The following FCRLA variants were observed in gnomAD, a reference collection of about 807,000 sequenced individuals.
FCRLA encodes Fc receptor like A.
In FCRLA, 26 loss-of-function variants were observed where a neutral mutation model predicts 28.4. That is an observed-to-expected ratio of 0.91 (90% CI 0.67 to 1.27). The LOEUF (loss-of-function observed/expected upper bound fraction) is 1.27, where lower values mean the gene tolerates loss of function less well. FCRLA is among the 50% of genes most tolerant of loss of function. The probability of loss-of-function intolerance (pLI) is 0.00; values close to 1 mark genes in which losing one functional copy is unlikely to be tolerated. For synonymous variants in FCRLA, 174 were observed against 168.5 expected (o/e 1.03, Z -0.25); for missense variants, 422 against 433.1 (o/e 0.97, Z 0.23).
intron 3 of FCRLA, 118 bp downstream of exon 3, chr1:161,711,592 C>A (rs1683106456): frequency 7.5e-7 from 1 of 1,335,760 alleles, no homozygotes; most frequent in Non-Finnish European, 1.0e-6. Flanking sequence ...GAGCAGGTTG[C>A]TGGCAAATGC....
chr1:161,711,508 G>A, intron 3 of FCRLA, 34 bp downstream of exon 3: 1 of 1,584,026 alleles, frequency 6.3e-7, no homozygotes, highest in Non-Finnish European at 8.6e-7. Flanking sequence ...CATGGCAGGG[G>A]AGGGTAAGGA....
chr1:161,710,783 T>C lies in FCRLA; in HGVS notation c.103T>C (p.Cys35Arg). The C allele has an allele frequency of 6.2e-7, 1 of 1,614,170 alleles. No individual in the cohort carries two copies. The highest frequency in any genetic ancestry group is 1.7e-4 in the Middle Eastern group (1 of 6,038). ...LLAASFETLQ[C>R]EGPVCTEESS... ...AGCTGCCAGTTTTGAGACGCTGCAG[T>C]GTGAGGGACCTGTCTGCACTGAGGA... Residue 35 changes from cysteine to arginine, a missense_variant, in exon 2 of 5, where the codon TGT (cysteine) becomes CGT (arginine). Around this residue, in one of 3 missense-constraint regions of FCRLA, gnomAD observed 231 missense variants for 214.6 expected, o/e 1.08. Coordinates refer to ENST00000236938, the MANE Select transcript of FCRLA (RefSeq NM_032738.4).
Position 161,713,447 on chromosome 1 carries a change from C to A in FCRLA, c.*67C>A. ...AAATCTGATTCTTTATTTTCTCTTCCTGTCCTGCACATATGCATAAGTACT... is the reference window on the plus strand; with the variant it reads ...AAATCTGATTCTTTATTTTCTCTTCATGTCCTGCACATATGCATAAGTACT... On this transcript the variant is annotated 3_prime_UTR_variant, in exon 5 of 5. Coordinates refer to ENST00000236938, the MANE Select transcript of FCRLA (RefSeq NM_032738.4). 7.5e-7 allele frequency: 1 copy of A among 1,326,986 alleles called. No homozygotes were observed. The highest frequency in any genetic ancestry group is 1.0e-6 in the Non-Finnish European group (1 of 956,000). The allele number at this position is 1,326,986 out of a possible 1,614,324, so 82.2% of individuals were successfully genotyped here.
chr1:161,709,809 T>C (rs939740542), intron 1 of FCRLA, among the ~76,000 whole-genome samples: 2 of 152,082 alleles, frequency 1.3e-5, no homozygotes, highest in African/African-American at 4.8e-5. Flanking sequence ...AGGTCTACCA[T>C]GAAGGTAAGA....
chr1:161,713,207 G>T lies in FCRLA; in HGVS notation c.907G>T (p.Asp303Tyr). 1 of 1,614,198 alleles carries T rather than the reference G, an allele frequency of 6.2e-7. No homozygotes were observed. Among genetic ancestry groups the T allele is most frequent in the Non-Finnish European group, 8.5e-7 (1 of 1,180,036 alleles). ...LPPPPTPSSE[D>Y]PGFSSPLGMP... ...TCCGCCGCCAACCCCATCTTCTGAGGATCCAGGCTTTTCTTCTCCTCTGGG... is the reference window on the plus strand; with the variant it reads ...TCCGCCGCCAACCCCATCTTCTGAGTATCCAGGCTTTTCTTCTCCTCTGGG... The change falls in exon 5 of 5, where the codon GAT (aspartate) becomes TAT (tyrosine). Residue 303 changes from aspartate (D) to tyrosine (Y), a missense_variant. This residue lies in a region of FCRLA where 185 missense variants were observed against 198.1 expected (regional missense o/e 0.93). Coordinates refer to ENST00000236938, the MANE Select transcript of FCRLA (RefSeq NM_032738.4).
intron 1 of FCRLA, among the ~76,000 whole-genome samples, chr1:161,708,661 C>T (rs775532461): frequency 6.6e-6 from 1 of 152,202 alleles, no homozygotes; most frequent in Non-Finnish European, 1.5e-5. Context: ...TTTGCTTATA[C>T]CACTATCTCT....
chr1:161,711,155 G>A (rs1683079102), intron 2 of FCRLA, 53 bp from the exon 3 acceptor site: 1 of 1,563,774 alleles, frequency 6.4e-7, no homozygotes, highest in Non-Finnish European at 8.7e-7. Flanking sequence ...ATGCTTGGGG[G>A]TGGCCCCCAA....
At chr1:161,710,617 C>G in intron 1 of FCRLA, 143 bp from the exon 2 acceptor site, 1 of 1,392,750 alleles carries the variant, frequency 7.2e-7, no homozygotes, top group Non-Finnish European at 9.9e-7. Flanking sequence ...TCTCAGGGGT[C>G]TTTCCGAAAA....
At chr1:161,711,093 A>G in intron 2 of FCRLA, 115 bp from the exon 3 acceptor site, 2 of 1,466,514 alleles carry the variant, frequency 1.4e-6, no homozygotes, top group Admixed American at 4.2e-5. Context: ...CATACTCCCA[A>G]CCAGGGGTGA....
chr1:161,712,617 C>A (rs956640660), intron 4 of FCRLA, among the ~76,000 whole-genome samples: 1 of 152,088 alleles, frequency 6.6e-6, no homozygotes, highest in Non-Finnish European at 1.5e-5. Context: ...AAGAGGTGTC[C>A]AGGGTGATAA....
At chr1:161,713,044 C>CATACA in intron 4 of FCRLA, 41 bp from the exon 5 acceptor site, 1 of 1,571,128 alleles carries the variant, frequency 6.4e-7, no homozygotes, top group Non-Finnish European at 8.6e-7. Flanking sequence ...GGGCCAGAGT[C>CATACA]AGACTTCACT....
rs73015454 is a variant in FCRLA at position 161,711,061 on chromosome 1, C to T, written c.233-147C>T. 4.1e-3 allele frequency: 5,883 copies of T among 1,432,436 alleles called. 176 individuals carry two copies. The African/African-American group carries it at 0.073, about 18-fold the overall frequency. The allele number at this position is 1,432,436 out of a possible 1,614,324, so 88.7% of individuals were successfully genotyped here. ...CACAGCAACCAGGGTGCTCTAAGTC[C>T]TAGGCCCTAGGGAAGTTGTCCCATA... On this transcript the variant is annotated intron_variant, in intron 2 of 4. Transcript: ENST00000236938.
In FCRLA at chr1:161,713,312, C is replaced by G; in HGVS notation, c.1012C>G (p.Leu338Val). Residue 338 changes from leucine (L) to valine (V), a missense_variant, in exon 5 of 5, where the codon CTG becomes GTG. Leu to Val is a conservative substitution (Grantham distance 32). Transcript: ENST00000236938. ...GGATGTGAGAGTCCTCCTCGGTCAC[C>G]TGCTCATGGAGTTGAGGGAATTATC... ...MQDVRVLLGH[L>V]LMELRELSGH... 6.2e-7 allele frequency: 1 copy of G among 1,614,244 alleles called. No individual in the cohort carries two copies. Among genetic ancestry groups the G allele is most frequent in the Non-Finnish European group, 8.5e-7 (1 of 1,180,046 alleles).
chr1:161,711,849 A>G (rs1683116197), intron 3 of FCRLA, 85 bp from the exon 4 acceptor site: 2 of 1,456,556 alleles, frequency 1.4e-6, no homozygotes, highest in Admixed American at 4.5e-5. Flanking sequence ...GAAAGGAAGT[A>G]TGACTCCCCA....
intron 1 of FCRLA, chr1:161,710,359 T>G (rs1683030721): frequency 1.1e-6 from 1 of 915,518 alleles, no homozygotes; most frequent in Non-Finnish European, 1.8e-6. Context: ...TGCACACAAG[T>G]GCTAGCAGGG....
chr1:161,712,279 T>G, intron 4 of FCRLA, 61 bp downstream of exon 4: 3 of 1,546,940 alleles, frequency 1.9e-6, no homozygotes, highest in East Asian at 2.3e-5. Flanking sequence ...AAAGGAGGGA[T>G]AGGATAAATT....
chr1:161,709,538 G>T (rs1382652243), intron 1 of FCRLA, among the ~76,000 whole-genome samples: 1 of 152,220 alleles, frequency 6.6e-6, no homozygotes, highest in Non-Finnish European at 1.5e-5. Context: ...GCGGAGAAAG[G>T]ATGGAAAGAA....
chr1:161,711,118 C>T (rs1683076911), intron 2 of FCRLA, 90 bp from the exon 3 acceptor site: 4 of 1,519,346 alleles, frequency 2.6e-6, no homozygotes, highest in African/African-American at 1.4e-5. Context: ...TTACCTGGAC[C>T]CTCAGAGAAA....
chr1:161,708,286 C>G (rs1183805675), intron 1 of FCRLA, among the ~76,000 whole-genome samples: 1 of 152,184 alleles, frequency 6.6e-6, no homozygotes, highest in Non-Finnish European at 1.5e-5. Flanking sequence ...CTTTTTCATT[C>G]TCTAAATCTG....
Sources: allele counts gnomAD v4.1 joint callset (sites outside exome capture counted in the v4.1 genomes callset), GRCh38; gene constraint gnomAD v4.1.1; regional missense constraint gnomAD v4.1.1; transcripts MANE v1.5; gene names NCBI Gene and HGNC (gene_info 2026-07-23, HGNC 2026-07-21).